TTLL11: variants seen among roughly 807,000 people sequenced by gnomAD.
TTLL11 encodes the protein tubulin polyglutamylase TTLL11.
Under a neutral mutation model 51.7 loss-of-function variants are expected in TTLL11, and 42 were observed. The observed-to-expected ratio is 0.81, with a 90% CI of 0.64 to 1.05. The LOEUF (loss-of-function observed/expected upper bound fraction) is 1.05, where lower values mean the gene tolerates loss of function less well. Ranked by LOEUF, TTLL11 falls within the 50% of genes least tolerant of loss-of-function variation. The pLI, the probability that TTLL11 is intolerant of heterozygous loss-of-function variation, is 0.00. For synonymous variants in TTLL11, 381 were observed against 383.5 expected (o/e 0.99, Z 0.08); for missense variants, 799 against 940.4 (o/e 0.85, Z 1.97).
At chr9:121,891,973 A>C (rs1839256686) in intron 6 of TTLL11, among the ~76,000 whole-genome samples, 1 of 147,682 alleles carries the variant, frequency 6.8e-6, no homozygotes, top group South Asian at 2.1e-4. Context: ...TATATATCTT[A>C]TATATCTCAT....
chr9:121,949,090 C>T (rs1841772008), intron 6 of TTLL11, among the ~76,000 whole-genome samples: 1 of 152,110 alleles, frequency 6.6e-6, no homozygotes, highest in Admixed American at 6.5e-5. Flanking sequence ...CTGCCACTCA[C>T]TCTTGTGAGA....
At chr9:122,072,691 GC>G (rs1371822145) in intron 1 of TTLL11, among the ~76,000 whole-genome samples, 1 of 152,032 alleles carries the variant, frequency 6.6e-6, no homozygotes, top group Non-Finnish European at 1.5e-5. Flanking sequence ...GTTCTCGCTT[GC>G]CACCATGCCA....
At chr9:121,871,918 C>A (rs12551912) in intron 6 of TTLL11, among the ~76,000 whole-genome samples, 18,245 of 152,268 alleles carry the variant, frequency 0.12, 1,144 homozygotes, top group Admixed American at 0.15. Context: ...ACTCCTGGGT[C>A]CTATCCTGTC....
At chr9:122,055,768 C>T (rs935471374) in intron 1 of TTLL11, among the ~76,000 whole-genome samples, 4 of 152,196 alleles carry the variant, frequency 2.6e-5, no homozygotes, top group African/African-American at 4.8e-5. Flanking sequence ...AAATAGCCAT[C>T]ATATCCTCAT....
At chr9:121,903,575 C>A (rs1839838938) in intron 6 of TTLL11, among the ~76,000 whole-genome samples, 1 of 152,156 alleles carries the variant, frequency 6.6e-6, no homozygotes, top group Non-Finnish European at 1.5e-5. Context: ...GAAGGTAATA[C>A]CTCCCTTGTA....
Position 121,870,519 on chromosome 9 carries a change from T to C in TTLL11, c.1711A>G (p.Thr571Ala), listed in dbSNP as rs745952988. Residue 571 changes from threonine to alanine, a missense_variant, in exon 7 of 9, where the codon ACA (threonine) becomes GCA (alanine). By Grantham distance (58) the Thr-to-Ala change is moderately conservative. Around this residue, in one of 3 missense-constraint regions of TTLL11, gnomAD observed 468 missense variants for 612.8 expected, o/e 0.76. Transcript: ENST00000321582. ...GIKGTMKLGP[T>A]GFRTFIRSCK... The stretch of plus-strand genomic sequence containing the variant: ...GACCTTATGAAGGTACGAAAGCCTG[T>C]TGGCCCCAACTTCATTGTCCCCTTG... 1.1e-4 allele frequency: 178 copies of C among 1,551,542 alleles called. No homozygotes were observed. Among genetic ancestry groups the C allele is most frequent in the Non-Finnish European group, 1.5e-4 (169 of 1,146,986 alleles).
chr9:121,837,951 C>T (rs1404511470), intron 8 of TTLL11, among the ~76,000 whole-genome samples: 2 of 152,212 alleles, frequency 1.3e-5, no homozygotes, highest in Non-Finnish European at 2.9e-5. Context: ...CTTGCTCTCT[C>T]TCTCTTGCTG....
chr9:121,968,932 C>T (rs964443606), intron 6 of TTLL11, among the ~76,000 whole-genome samples: 2 of 147,392 alleles, frequency 1.4e-5, no homozygotes, highest in Admixed American at 6.8e-5. Flanking sequence ...GGTAGTGGCA[C>T]GATCTCGGCT....
In TTLL11 at chr9:122,091,545, T is replaced by A. The variant is rs181106460; in HGVS notation, c.462+1142A>T. On this transcript the variant is annotated intron_variant, in intron 1 of 8. Coordinates refer to ENST00000321582, the MANE Select transcript of TTLL11 (RefSeq NM_001139442.2). ...CTTCCCTCCAAACCAAATGCACTTT[T>A]TCCTATTGGGACATCAACCCTCTGA... is the stretch of plus-strand genomic sequence containing the variant. Among the ~76,000 whole-genome samples the A allele has an allele frequency of 7.0e-3, 1,070 of 152,312 alleles. 10 individuals are homozygous for A. Among genetic ancestry groups the A allele is most frequent in the Non-Finnish European group, 9.0e-3 (613 of 68,028 alleles).
chr9:122,022,963 A>G (rs1025833893), intron 3 of TTLL11, among the ~76,000 whole-genome samples: 3 of 151,958 alleles, frequency 2.0e-5, no homozygotes, highest in Non-Finnish European at 4.4e-5. Context: ...TGATAACTCA[A>G]AAATGTATAC....
At chr9:121,899,034 C>T (rs1470188281) in intron 6 of TTLL11, among the ~76,000 whole-genome samples, 2 of 152,142 alleles carry the variant, frequency 1.3e-5, no homozygotes, top group Non-Finnish European at 2.9e-5. Context: ...GCTCATCAGA[C>T]CTGAGCCCCT....
At chr9:122,024,140 AT>A (rs1844262410) in intron 3 of TTLL11, among the ~76,000 whole-genome samples, 1 of 152,182 alleles carries the variant, frequency 6.6e-6, no homozygotes, top group Non-Finnish European at 1.5e-5. Context: ...AAGCAATTTT[AT>A]TTTTACATAC....
chr9:121,897,330 G>A (rs1009748044), intron 6 of TTLL11, among the ~76,000 whole-genome samples: 8 of 152,140 alleles, frequency 5.3e-5, no homozygotes, highest in African/African-American at 7.2e-5. Context: ...CAGCTAGCAC[G>A]CGGTAGAACT....
chr9:121,830,150 TTG>T (rs1836957294), intron 8 of TTLL11, among the ~76,000 whole-genome samples: 1 of 152,196 alleles, frequency 6.6e-6, no homozygotes, highest in Admixed American at 6.5e-5. Context: ...TATGCCCACT[TTG>T]TAGCTGAGGA....
intron 4 of TTLL11, among the ~76,000 whole-genome samples, chr9:121,987,984 A>T (rs1842980828): frequency 6.6e-6 from 1 of 151,840 alleles, no homozygotes; most frequent in Non-Finnish European, 1.5e-5. Flanking sequence ...TCCAACTCCC[A>T]ACCTTCCCCC....
intron 4 of TTLL11, chr9:121,988,972 A>G: frequency 9.5e-7 from 1 of 1,048,102 alleles, no homozygotes; most frequent in Non-Finnish European, 1.3e-6. Context: ...TCTTCATTTC[A>G]TTTTACAGGT....
chr9:121,824,411 G>A (rs1007120418), intron 8 of TTLL11, among the ~76,000 whole-genome samples: 2 of 150,424 alleles, frequency 1.3e-5, no homozygotes, highest in African/African-American at 4.9e-5. Flanking sequence ...GGAAGTCAGA[G>A]GTTGCAGTGA....
intron 8 of TTLL11, among the ~76,000 whole-genome samples, chr9:121,825,648 T>A (rs1836729509): frequency 6.6e-6 from 1 of 152,130 alleles, no homozygotes; most frequent in African/African-American, 2.4e-5. Context: ...CTTGTTCAAA[T>A]GCGAATCCTG....
At chr9:121,934,181 C>T (rs890586552) in intron 6 of TTLL11, among the ~76,000 whole-genome samples, 2 of 151,704 alleles carry the variant, frequency 1.3e-5, no homozygotes, top group East Asian at 1.9e-4. Flanking sequence ...TATGGTGAGC[C>T]GAGATTGCAC....
Sources: gnomAD v4.1 joint callset for allele counts (sites outside exome capture counted in the v4.1 genomes callset) on GRCh38, gnomAD v4.1.1 for gene constraint, gnomAD v4.1.1 regional missense constraint, MANE v1.5 for transcripts, NCBI Gene and HGNC (gene_info 2026-07-23, HGNC 2026-07-21) for gene names.